Variants in TLN2 observed in about 807,000 individuals in gnomAD.
The protein encoded by TLN2 is talin 2, also known as talin-2.
Under a neutral mutation model 294.7 loss-of-function variants are expected in TLN2, and 118 were observed. That is an observed-to-expected ratio of 0.40 (90% CI 0.34 to 0.47). The LOEUF is 0.47. TLN2 is among the 20% of genes least tolerant of loss of function. TLN2 has a pLI of 0.84. For synonymous variants in TLN2, 1,431 were observed against 1,304.5 expected (o/e 1.10, Z -2.09); for missense variants, 3,083 against 3,282.2 (o/e 0.94, Z 1.48).
intron 21 of TLN2, among the ~76,000 whole-genome samples, chr15:62,709,926 G>T (rs1405493898): frequency 6.6e-6 from 1 of 151,964 alleles, no homozygotes; most frequent in African/African-American, 2.4e-5. Context: ...GTAGAGATGG[G>T]GCTTCACCAT....
Position 62,498,735 on chromosome 15 carries a change from G to T in TLN2, c.-237-90952G>T, listed in dbSNP as rs539160084. Among the ~76,000 whole-genome samples, 40 of 149,282 alleles carry T rather than the reference G, an allele frequency of 2.7e-4. No homozygotes were observed. In the South Asian group the frequency reaches 8.4e-3, roughly 32 times the overall value. On this transcript the variant is annotated intron_variant, in intron 1 of 58. Coordinates refer to ENST00000636159, the MANE Select transcript of TLN2 (RefSeq NM_015059.3). The stretch of plus-strand genomic sequence containing the variant: ...CCCACAAAATTTGCTTCTTAGGAGG[G>T]TTTTTTTTTTCCTTATAGTTCTTTT...
intron 7 of TLN2, among the ~76,000 whole-genome samples, chr15:62,654,055 C>T (rs372727184): frequency 3.9e-5 from 6 of 152,064 alleles, no homozygotes; most frequent in East Asian, 1.9e-4. Context: ...ACCAATGTAT[C>T]TTTTTTTCTG....
intron 45 of TLN2, among the ~76,000 whole-genome samples, chr15:62,790,129 C>T (rs1030276150): frequency 2.0e-5 from 3 of 152,170 alleles, no homozygotes; most frequent in African/African-American, 7.2e-5. Context: ...ACTGTGTCAC[C>T]AAAGCAAAAC....
intron 14 of TLN2, among the ~76,000 whole-genome samples, chr15:62,697,064 C>A (rs1018906267): frequency 3.3e-5 from 5 of 152,162 alleles, no homozygotes; most frequent in Admixed American, 6.5e-5. Context: ...TCAATACATT[C>A]ACTTAAAACC....
chr15:62,628,242 G>A (rs565619351), intron 3 of TLN2, among the ~76,000 whole-genome samples: 50 of 152,322 alleles, frequency 3.3e-4, no homozygotes, highest in Non-Finnish European at 1.9e-4. Flanking sequence ...GTGTAATTCT[G>A]GGGTAAGGCT....
At chr15:62,485,516 T>A (rs1047820083) in intron 1 of TLN2, among the ~76,000 whole-genome samples, 1 of 152,086 alleles carries the variant, frequency 6.6e-6, no homozygotes, top group African/African-American at 2.4e-5. Context: ...TCCCTTCCCA[T>A]GGGAAAAGGG....
chr15:62,566,157 C>G (rs1596157184), intron 1 of TLN2, among the ~76,000 whole-genome samples: 1 of 152,066 alleles, frequency 6.6e-6, no homozygotes, highest in East Asian at 1.9e-4. Context: ...TCCCTGAGAA[C>G]ACACAGGTGT....
At chr15:62,429,326 G>A (rs1052695274) in intron 1 of TLN2, among the ~76,000 whole-genome samples, 12 of 152,268 alleles carry the variant, frequency 7.9e-5, no homozygotes, top group African/African-American at 2.9e-4. Flanking sequence ...TTCATCGGTT[G>A]GTGAAAGCCC....
intron 54 of TLN2, chr15:62,828,908 G>T (rs1317919077): frequency 6.6e-6 from 1 of 152,084 alleles, no homozygotes; most frequent in African/African-American, 2.4e-5. Flanking sequence ...AGGCTGGTAG[G>T]TTTAAGTTAA....
chr15:62,660,075 G>C (rs2053646491), intron 9 of TLN2, among the ~76,000 whole-genome samples: 1 of 152,118 alleles, frequency 6.6e-6, no homozygotes, highest in South Asian at 2.1e-4. Flanking sequence ...ATAATAATGA[G>C]AAGGTTGGAC....
chr15:62,506,019 G>A (rs2039600568), intron 1 of TLN2, among the ~76,000 whole-genome samples: 1 of 152,276 alleles, frequency 6.6e-6, no homozygotes, highest in East Asian at 1.9e-4. Context: ...TTACTTTTTG[G>A]CAGGCATTGT....
intron 45 of TLN2, among the ~76,000 whole-genome samples, chr15:62,789,693 G>A (rs533246156): frequency 1.3e-5 from 2 of 152,288 alleles, no homozygotes; most frequent in Non-Finnish European, 2.9e-5. Context: ...CTTGCATTTT[G>A]CAAATAGAAA....
intron 41 of TLN2, 71 bp downstream of exon 41, chr15:62,766,493 C>T: frequency 7.0e-7 from 1 of 1,428,686 alleles, no homozygotes; most frequent in South Asian, 1.2e-5. Context: ...ATTGACTTTA[C>T]TGTTATCATT....
chr15:62,621,701 T>G (rs2048845305), intron 3 of TLN2, among the ~76,000 whole-genome samples: 1 of 152,238 alleles, frequency 6.6e-6, no homozygotes, highest in African/African-American at 2.4e-5. Context: ...CTAGATTTCT[T>G]GGAACAGGGT....
At chr15:62,771,961 T>C (rs933934293) in intron 42 of TLN2, among the ~76,000 whole-genome samples, 3 of 152,172 alleles carry the variant, frequency 2.0e-5, no homozygotes, top group Non-Finnish European at 4.4e-5. Context: ...GGACTTTCCT[T>C]TTCTTTTCTT....
At chr15:62,834,762 C>T (rs1328640424) in intron 55 of TLN2, 1 of 150,704 alleles carries the variant, frequency 6.6e-6, no homozygotes, top group Non-Finnish European at 1.5e-5. Flanking sequence ...GTAAAGATGA[C>T]AGATGTGTCA....
intron 1 of TLN2, among the ~76,000 whole-genome samples, chr15:62,437,596 G>A (rs1178259918): frequency 6.6e-6 from 1 of 152,156 alleles, no homozygotes; most frequent in African/African-American, 2.4e-5. Flanking sequence ...ATTTGGGCAA[G>A]AGTCATAATC....
chr15:62,467,395 CAAG>C, intron 1 of TLN2, among the ~76,000 whole-genome samples: 1 of 152,228 alleles, frequency 6.6e-6, no homozygotes, highest in Middle Eastern at 3.4e-3. Flanking sequence ...ATATGGAAGA[CAAG>C]AGATTATTTT....
At chr15:62,550,575 ACTG>A (rs1463034127) in intron 1 of TLN2, among the ~76,000 whole-genome samples, 2 of 152,232 alleles carry the variant, frequency 1.3e-5, no homozygotes, top group African/African-American at 4.8e-5. Context: ...TTAGAATAAT[ACTG>A]AATCCACATG....
Sources: allele counts gnomAD v4.1 joint callset (sites outside exome capture counted in the v4.1 genomes callset), GRCh38; gene constraint gnomAD v4.1.1; transcripts MANE v1.5; gene names NCBI Gene and HGNC (gene_info 2026-07-23, HGNC 2026-07-21).